Variants in ASH1L observed in about 807,000 individuals in gnomAD.
ASH1L encodes the protein ASH1 like histone lysine methyltransferase.
Under a neutral mutation model 269.0 loss-of-function variants are expected in ASH1L, and 23 were observed. The observed-to-expected ratio is 0.09, with a 90% CI of 0.06 to 0.12. The LOEUF (loss-of-function observed/expected upper bound fraction) is 0.12. Ranked by LOEUF, ASH1L falls within the 10% of genes least tolerant of loss-of-function variation. The pLI, the probability that ASH1L is intolerant of heterozygous loss-of-function variation, is 1.00. For synonymous variants in ASH1L, 1,187 were observed against 1,253.5 expected, an observed-to-expected ratio of 0.95 and a Z score of 1.12; for missense variants, 2,912 against 3,567.8, an observed-to-expected ratio of 0.82 and a Z score of 4.68.
chr1:155,349,777 G>T (rs190242920), intron 17 of ASH1L, among the ~76,000 whole-genome samples, 181 bp from the exon 18 acceptor site: 1,800 of 147,134 alleles, frequency 0.012, 18 homozygotes, highest in Non-Finnish European at 0.019. Context: ...GTGTGCAATG[G>T]CATGATCTCA....
intron 1 of ASH1L, among the ~76,000 whole-genome samples, chr1:155,539,326 C>T (rs1468331858): frequency 1.3e-5 from 2 of 152,028 alleles, no homozygotes; most frequent in Non-Finnish European, 2.9e-5. Flanking sequence ...CTCCCACTGA[C>T]TTGTCCAAAA....
At chr1:155,556,225 T>C (rs951228595) in intron 1 of ASH1L, among the ~76,000 whole-genome samples, 1 of 151,994 alleles carries the variant, frequency 6.6e-6, no homozygotes, top group Non-Finnish European at 1.5e-5. Context: ...GTACATAAAA[T>C]TTAAAAATTA....
intron 12 of ASH1L, among the ~76,000 whole-genome samples, chr1:155,367,525 T>A (rs1324069402): frequency 6.6e-6 from 1 of 152,200 alleles, no homozygotes; most frequent in Non-Finnish European, 1.5e-5. Flanking sequence ...TTGGTTAGAC[T>A]CTTCAAATGT....
At chr1:155,340,056 C>T (rs1652644563) in intron 25 of ASH1L, among the ~76,000 whole-genome samples, 1 of 150,580 alleles carries the variant, frequency 6.6e-6, no homozygotes, top group South Asian at 2.1e-4. Flanking sequence ...ATTGAGCAAG[C>T]AAAACCAAAT....
At chr1:155,444,665 G>C (rs1452779870) in intron 4 of ASH1L, among the ~76,000 whole-genome samples, 1 of 151,926 alleles carries the variant, frequency 6.6e-6, no homozygotes, top group Non-Finnish European at 1.5e-5. Flanking sequence ...ACCCAGGCCG[G>C]AGTACAGTGG....
At chr1:155,546,806 T>G (rs1394019309) in intron 1 of ASH1L, among the ~76,000 whole-genome samples, 1 of 151,880 alleles carries the variant, frequency 6.6e-6, no homozygotes, top group Non-Finnish European at 1.5e-5. Flanking sequence ...CAACTGTCAT[T>G]CCATGATTTT....
chr1:155,488,434 C>A (rs1666476963), intron 2 of ASH1L, among the ~76,000 whole-genome samples: 1 of 140,630 alleles, frequency 7.1e-6, no homozygotes, highest in Non-Finnish European at 1.5e-5. Context: ...CCGAGGTGGG[C>A]AGATCACGAG....
At chr1:155,487,849 T>C (rs1666433212) in intron 2 of ASH1L, among the ~76,000 whole-genome samples, 1 of 152,176 alleles carries the variant, frequency 6.6e-6, no homozygotes, top group Non-Finnish European at 1.5e-5. Flanking sequence ...ATATTCAGCT[T>C]CCTTAATTGG....
rs767586407 is a variant in ASH1L, at chr1:155,360,275, C to T, written c.6795+26G>A. ...AGCATTGTAAGGGATAAAGTTCAATCTCCCTCTAGGATTTATTATTCTTAC... is the reference window on the plus strand; with the variant it reads ...AGCATTGTAAGGGATAAAGTTCAATTTCCCTCTAGGATTTATTATTCTTAC... On this transcript the variant is annotated intron_variant, in intron 13 of 27. Coordinates refer to ENST00000392403, the MANE Select transcript of ASH1L (RefSeq NM_018489.3). The T allele has an allele frequency of 7.7e-6, 11 of 1,430,698 alleles. No individual in the cohort carries two copies. The African/African-American group carries it at 1.4e-4, about 18-fold the overall frequency. 88.6% of individuals were successfully genotyped at this position (1,430,698 alleles called of 1,614,324 possible). A position where few individuals can be genotyped will look rare whatever the true frequency, so the allele number is the denominator to read the frequency against.
Position 155,478,177 on chromosome 1 carries a change from T to C in ASH1L, c.4693A>G (p.Ser1565Gly). Residue 1565 changes from serine to glycine, a missense_variant, in exon 3 of 28, where the codon AGT becomes GGT. This residue lies in a region of ASH1L where 789 missense variants were observed against 897.6 expected (regional missense o/e 0.88). Transcript: ENST00000392403. The surrounding 1 kb of genome is among the most constrained non-coding windows in gnomAD (Gnocchi z 4.6). ...QWVHREPSES[S>G]PLALGLQTPL... ...GTCTGCAATCCCAAGGCCAATGGAC[T>C]AGATTCTGAAGGCTCTCGGTGGACC... is the stretch of plus-strand genomic sequence containing the variant. 1.2e-6 allele frequency: 2 copies of C among 1,614,170 alleles called. No homozygotes were observed. The highest frequency in any genetic ancestry group is 1.7e-6 in the Non-Finnish European group (2 of 1,180,042).
intron 7 of ASH1L, among the ~76,000 whole-genome samples, chr1:155,388,314 C>T (rs573860609): frequency 1.6e-4 from 25 of 152,270 alleles, no homozygotes; most frequent in African/African-American, 6.0e-4. Context: ...GTTTTTGAGA[C>T]AGGATCTCAC....
At chr1:155,557,179 A>G (rs1671650307) in intron 1 of ASH1L, among the ~76,000 whole-genome samples, 1 of 152,222 alleles carries the variant, frequency 6.6e-6, no homozygotes, top group African/African-American at 2.4e-5. Context: ...ATGAAAACTT[A>G]GCTGTTCAAT....
At chr1:155,413,778 G>C (rs1290926743) in intron 6 of ASH1L, among the ~76,000 whole-genome samples, 1 of 152,004 alleles carries the variant, frequency 6.6e-6, no homozygotes, top group African/African-American at 2.4e-5. Context: ...AAGGAGCCTA[G>C]GTCCCTGAAG....
At chr1:155,421,317 GTTTT>G (rs11442413) in intron 5 of ASH1L, among the ~76,000 whole-genome samples, 13 of 85,866 alleles carry the variant, frequency 1.5e-4, no homozygotes, top group African/African-American at 5.1e-4. Flanking sequence ...AGTACCAACA[GTTTT>G]TTTTTTTTTT....
chr1:155,365,362 T>C (rs1041093477), intron 12 of ASH1L, among the ~76,000 whole-genome samples: 2 of 148,904 alleles, frequency 1.3e-5, no homozygotes, highest in African/African-American at 4.9e-5. Context: ...TATGCCACTA[T>C]GCCCGGCTGA....
chr1:155,479,044 A>G lies in ASH1L; in HGVS notation c.3826T>C (p.Tyr1276His), dbSNP rs539982914. Residue 1276 changes from tyrosine (Y) to histidine (H), a missense_variant, in exon 3 of 28, where the codon TAT (tyrosine) becomes CAT (histidine). Physicochemically the swap from Tyr to His is moderately conservative, Grantham distance 83. Around this residue, in one of 13 missense-constraint regions of ASH1L, gnomAD observed 789 missense variants for 897.6 expected, o/e 0.88. Transcript: ENST00000392403. ...KRQKRKRKKKYPQLRNRQDPD... is the reference protein window; with the variant it reads ...KRQKRKRKKKHPQLRNRQDPD... ...TCCTGTCTATTTCGAAGCTGGGGATATTTCTTTTTCCGTTTTCGTTTCTGC... is the reference window on the plus strand; with the variant it reads ...TCCTGTCTATTTCGAAGCTGGGGATGTTTCTTTTTCCGTTTTCGTTTCTGC... 1 of 1,613,854 alleles carries G rather than the reference A, an allele frequency of 6.2e-7. No individual in the cohort carries two copies. The highest frequency in any genetic ancestry group is 8.5e-7 in the Non-Finnish European group (1 of 1,180,006).
intron 3 of ASH1L, among the ~76,000 whole-genome samples, chr1:155,460,187 T>G (rs1664183932): frequency 6.6e-6 from 1 of 152,224 alleles, no homozygotes; most frequent in Non-Finnish European, 1.5e-5. Flanking sequence ...TTTTCATGTG[T>G]TACTAGCCTA....
rs2148620106 is a variant in ASH1L at position 155,438,931 on chromosome 1, A to C, written c.5224T>G (p.Ser1742Ala). 10 of 1,614,150 alleles carry C rather than the reference A, an allele frequency of 6.2e-6. No homozygotes were observed. The East Asian group carries it at 2.2e-4, about 36-fold the overall frequency. The change falls in exon 5 of 28, where the codon TCT becomes GCT. Residue 1742 changes from serine to alanine, a missense_variant. Physicochemically the swap from Ser to Ala is moderately conservative, Grantham distance 99. Transcript: ENST00000392403. ...KSIDAVIATA[S>A]APPSSSPGRS... is the part of the protein sequence containing the mutation. ...CCTGGACTGGAAGAAGGTGGTGCAG[A>C]GGCAGTTGCAATCACAGCATCAATA...
At chr1:155,534,438 G>A (rs1669909903) in intron 1 of ASH1L, among the ~76,000 whole-genome samples, 1 of 151,312 alleles carries the variant, frequency 6.6e-6, no homozygotes, top group Non-Finnish European at 1.5e-5. Context: ...GAGGATGAGG[G>A]TGGAAAAAAC....
Sources: gnomAD v4.1 joint callset for allele counts (sites outside exome capture counted in the v4.1 genomes callset) on GRCh38, gnomAD v4.1.1 for gene constraint, gnomAD v4.1.1 regional missense constraint, Gnocchi (gnomAD v3.1) non-coding constraint, MANE v1.5 for transcripts, NCBI Gene and HGNC (gene_info 2026-07-23, HGNC 2026-07-21) for gene names.